RAB11A: variants seen among roughly 807,000 people sequenced by gnomAD.
The protein encoded by RAB11A is ras-related protein Rab-11A.
In RAB11A, 9 loss-of-function variants were observed where a neutral mutation model predicts 28.0. The observed-to-expected ratio is 0.32, with a 90% CI of 0.19 to 0.56. RAB11A has a LOEUF of 0.56. RAB11A is among the 20% of genes least tolerant of loss of function. The pLI, the probability that RAB11A is intolerant of heterozygous loss-of-function variation, is 0.91. For synonymous variants in RAB11A, 85 were observed against 88.2 expected (o/e 0.96, Z 0.20); for missense variants, 108 against 269.6 (o/e 0.40, Z 4.20).
At chr15:65,870,651 G>T (rs1851149123) in intron 1 of RAB11A, among the ~76,000 whole-genome samples, 1 of 152,212 alleles carries the variant, frequency 6.6e-6, no homozygotes, top group Non-Finnish European at 1.5e-5. Flanking sequence ...GCTTCCTGCT[G>T]CAACGCTGGG....
chr15:65,886,712 G>C (rs1231113054), intron 4 of RAB11A, among the ~76,000 whole-genome samples: 1 of 152,122 alleles, frequency 6.6e-6, no homozygotes, highest in Non-Finnish European at 1.5e-5. Context: ...ACATTCATGC[G>C]GTTATTTATT....
intron 1 of RAB11A, 111 bp downstream of exon 1, chr15:65,869,736 CT>C: frequency 8.4e-7 from 1 of 1,186,020 alleles, no homozygotes; most frequent in Non-Finnish European, 1.2e-6. Flanking sequence ...TCCCTCAGCC[CT>C]TCCTTTTTGT....
rs1013133552 is a variant in RAB11A at position 65,889,278 on chromosome 15, A to G, written c.*1438A>G. 6.6e-6 allele frequency: 1 copy of G among 152,234 alleles called. No individual in the cohort carries two copies. Among genetic ancestry groups the G allele is most frequent in the Admixed American group, 6.5e-5 (1 of 15,270 alleles). 9.4% of individuals were successfully genotyped at this position (152,234 alleles called of 1,614,324 possible). ...GCACACGGAAGGCATTGCTGTAGTC[A>G]GTCATTTTGGTTTTCTTCTATAGCC... On this transcript the variant is annotated 3_prime_UTR_variant, in exon 5 of 5. Coordinates refer to ENST00000261890, the MANE Select transcript of RAB11A (RefSeq NM_004663.5).
chr15:65,869,721 A>C lies in RAB11A; in HGVS notation c.40+96A>C, dbSNP rs961226303. On this transcript the variant is annotated intron_variant, in intron 1 of 4. Transcript: ENST00000261890. ...GTGCCGGCCACCCCTGCACTGATAT[A>C]GGCCTCCCTCAGCCCTTCCTTTTTG... is the stretch of plus-strand genomic sequence containing the variant. 7 of 1,301,672 alleles carry C rather than the reference A, an allele frequency of 5.4e-6. No homozygotes were observed. The African/African-American group carries it at 1.0e-4, about 19-fold the overall frequency. The allele number at this position is 1,301,672 out of a possible 1,614,324, so 80.6% of individuals were successfully genotyped here. A position where few individuals can be genotyped will look rare whatever the true frequency, so the allele number is the denominator to read the frequency against.
rs762066540 is a variant in RAB11A, at chr15:65,879,678, T to C, written c.438T>C (p.Asn146=). 11 of 1,591,176 alleles carry C rather than the reference T, an allele frequency of 6.9e-6. No individual in the cohort carries two copies. The highest frequency in any genetic ancestry group is 5.4e-5 in the African/African-American group (4 of 74,190). Residue 146 remains asparagine, a synonymous_variant, in exon 4 of 5, where the codon AAT becomes AAC. Coordinates refer to ENST00000261890, the MANE Select transcript of RAB11A (RefSeq NM_004663.5). ...TDEARAFAEK[N]GLSFIETSAL... ...TTTTGTGTCTCCCCTCAGAAAAGAA[T>C]GGTTTGTCATTCATTGAAACTTCGG...
In RAB11A at chr15:65,877,990, T is replaced by C; in HGVS notation, c.430+35T>C. The C allele has an allele frequency of 6.4e-7, 1 of 1,566,542 alleles. No individual in the cohort carries two copies. The highest frequency in any genetic ancestry group is 8.8e-7 in the Non-Finnish European group (1 of 1,137,026). Reference sequence around the variant, plus strand: ...AGGAATTCCATGATATTTCTTACCATTGTGTCTTGTGGTTTTGATACCTTC... The same window carrying C: ...AGGAATTCCATGATATTTCTTACCACTGTGTCTTGTGGTTTTGATACCTTC... On this transcript the variant is annotated intron_variant, in intron 3 of 4. Transcript: ENST00000261890. The surrounding 1 kb of genome is among the most constrained non-coding windows in gnomAD (Gnocchi z 4.1).
chr15:65,873,570 T>C (rs536629529), intron 1 of RAB11A, among the ~76,000 whole-genome samples: 1 of 152,200 alleles, frequency 6.6e-6, no homozygotes, highest in South Asian at 2.1e-4. Flanking sequence ...TATATATTTT[T>C]TGAGGCAGGG....
In RAB11A at chr15:65,872,621, A is replaced by C. The variant is rs192362268; in HGVS notation, c.40+2996A>C. On this transcript the variant is annotated intron_variant, in intron 1 of 4. Transcript: ENST00000261890. ...GGCTAATTTTGTATTTCTAGTAGAG[A>C]CGGGGTTTCTCCATGTTGGTCAGGC... 1.7e-3 allele frequency among the ~76,000 whole-genome samples: 255 copies of C among 151,830 alleles called. No homozygotes were observed. The Middle Eastern group carries it at 0.02, about 12-fold the overall frequency.
At chr15:65,884,696 T>G (rs1205528489) in intron 4 of RAB11A, among the ~76,000 whole-genome samples, 3 of 151,478 alleles carry the variant, frequency 2.0e-5, no homozygotes, top group South Asian at 4.2e-4. Context: ...AAAGAGTGAT[T>G]GGCTTTAAGA....
chr15:65,880,322 A>G (rs900647777), intron 4 of RAB11A, among the ~76,000 whole-genome samples: 3 of 152,210 alleles, frequency 2.0e-5, no homozygotes, highest in African/African-American at 4.8e-5. Context: ...TGGAATGTGA[A>G]TGACCAGGTC....
At chr15:65,886,606 G>A (rs2078257377) in intron 4 of RAB11A, among the ~76,000 whole-genome samples, 1 of 152,158 alleles carries the variant, frequency 6.6e-6, no homozygotes, top group African/African-American at 2.4e-5. Flanking sequence ...CTGTTCTTAA[G>A]GACTTTATAA....
rs561946675 is a variant in RAB11A, at chr15:65,877,260, C to G, written c.41-72C>G. 8 of 1,264,800 alleles carry G rather than the reference C, an allele frequency of 6.3e-6. No individual in the cohort carries two copies. The East Asian group carries it at 1.7e-4, about 28-fold the overall frequency. The allele number at this position is 1,264,800 out of a possible 1,614,324, so 78.3% of individuals were successfully genotyped here. A position where few individuals can be genotyped will look rare whatever the true frequency, so the allele number is the denominator to read the frequency against. ...ATTTACTCTGAAGCCAAACTTCATT[C>G]TGTTGAAAGCATAGTGGTGTTCTGA... is the stretch of plus-strand genomic sequence containing the variant. On this transcript the variant is annotated intron_variant, in intron 1 of 4. Transcript: ENST00000261890. The surrounding 1 kb of genome is among the most constrained non-coding windows in gnomAD (Gnocchi z 4.1).
intron 4 of RAB11A, among the ~76,000 whole-genome samples, chr15:65,883,048 T>A (rs929217527): frequency 6.6e-6 from 1 of 152,248 alleles, no homozygotes; most frequent in Non-Finnish European, 1.5e-5. Context: ...GCAGACATGA[T>A]GACCCTCATC....
intron 4 of RAB11A, among the ~76,000 whole-genome samples, chr15:65,885,705 A>G (rs1014921495): frequency 6.6e-6 from 1 of 152,220 alleles, no homozygotes; most frequent in African/African-American, 2.4e-5. Flanking sequence ...CTTGTAGGAG[A>G]TCTAAATAGA....
chr15:65,879,727 G>A lies in RAB11A; in HGVS notation c.487G>A (p.Ala163Thr), dbSNP rs1241849519. ...TSALDSTNVE[A>T]AFQTILTEIY... Reference sequence around the variant, plus strand: ...GGCCCTAGACTCTACAAATGTAGAAGCTGCTTTTCAGACAATTTTAACAGG... The same window carrying A: ...GGCCCTAGACTCTACAAATGTAGAAACTGCTTTTCAGACAATTTTAACAGG... Residue 163 changes from alanine (A) to threonine (T), a missense_variant, in exon 4 of 5, where the codon GCT becomes ACT. By Grantham distance (58) the Ala-to-Thr change is moderately conservative (BLOSUM62 0). This residue lies in a region of RAB11A where 85 missense variants were observed against 145.9 expected (regional missense o/e 0.58). Transcript: ENST00000261890. 3.1e-6 allele frequency: 5 copies of A among 1,592,038 alleles called. No individual in the cohort carries two copies. Among genetic ancestry groups the A allele is most frequent in the African/African-American group, 2.7e-5 (2 of 74,292 alleles).
intron 4 of RAB11A, among the ~76,000 whole-genome samples, chr15:65,880,024 A>C (rs2078212873): frequency 6.6e-6 from 1 of 152,226 alleles, no homozygotes; most frequent in Non-Finnish European, 1.5e-5. Flanking sequence ...TCCATTCTTC[A>C]TGGTCACAAA....
rs2078297389 is a variant in RAB11A, at chr15:65,891,633, T to A, written c.*3793T>A. 1 of 152,212 alleles carries A rather than the reference T, an allele frequency of 6.6e-6. No individual in the cohort carries two copies. Among genetic ancestry groups the A allele is most frequent in the Admixed American group, 6.5e-5 (1 of 15,278 alleles). 9.4% of individuals were successfully genotyped at this position (152,212 alleles called of 1,614,324 possible). On this transcript the variant is annotated 3_prime_UTR_variant, in exon 5 of 5. Coordinates refer to ENST00000261890, the MANE Select transcript of RAB11A (RefSeq NM_004663.5). ...AACTCTCTCTTCAATTAAAGCCAAA[T>A]TATTAACATTTTAACTCAAGTTTAA...
chr15:65,885,139 T>G (rs2078248438), intron 4 of RAB11A, among the ~76,000 whole-genome samples: 1 of 150,584 alleles, frequency 6.6e-6, no homozygotes, highest in Non-Finnish European at 1.5e-5. Flanking sequence ...TACAGTTTTT[T>G]TTTTTTTTTT....
chr15:65,877,388 C>T lies in RAB11A; in HGVS notation c.97C>T (p.Arg33Ter), dbSNP rs763409430. The change falls in exon 2 of 5, where the codon CGA becomes TGA. Residue 33 changes from arginine (R) to a stop codon, truncating the protein, a stop_gained. Transcript: ENST00000261890. LOFTEE classifies it high-confidence loss of function. This position sits in a 1 kb window ranked among gnomAD's most constrained non-coding sequence, Gnocchi z 4.1. ...GKSNLLSRFT[R>*]NEFNLESKST... The stretch of plus-strand genomic sequence containing the variant: ...GAGTAATCTCCTGTCTCGATTTACT[C>T]GAAATGAGTTTAATCTGGAAAGCAA... 1.2e-6 allele frequency: 2 copies of T among 1,613,746 alleles called. No homozygotes were observed. The highest frequency in any genetic ancestry group is 1.7e-6 in the Non-Finnish European group (2 of 1,179,914).
Sources: gnomAD v4.1 joint callset for allele counts (sites outside exome capture counted in the v4.1 genomes callset) on GRCh38, gnomAD v4.1.1 for gene constraint, gnomAD v4.1.1 regional missense constraint, Gnocchi (gnomAD v3.1) non-coding constraint, MANE v1.5 for transcripts, NCBI Gene and HGNC (gene_info 2026-07-23, HGNC 2026-07-21) for gene names.